MAP2: variants seen among roughly 807,000 people sequenced by gnomAD.
The protein encoded by MAP2 is microtubule-associated protein 2.
A neutral mutation model predicts 137.6 loss-of-function variants in MAP2; 14 were observed. That is an observed-to-expected ratio of 0.10 (90% confidence interval 0.07 to 0.16). The LOEUF is 0.16. MAP2 is among the 10% of genes least tolerant of loss of function. The pLI, the probability that MAP2 is intolerant of heterozygous loss-of-function variation, is 1.00. For synonymous variants in MAP2, 786 were observed against 782.3 expected (o/e 1.00, Z -0.08); for missense variants, 2,088 against 2,191.5 (o/e 0.95, Z 0.94).
chr2:209,605,527 G>T (rs573868836), intron 3 of MAP2, among the ~76,000 whole-genome samples: 15 of 152,204 alleles, frequency 9.9e-5, no homozygotes, highest in African/African-American at 3.6e-4. Flanking sequence ...TAAGACAAAG[G>T]AATGAATTGA....
At chr2:209,618,304 C>A (rs1027511408) in intron 3 of MAP2, among the ~76,000 whole-genome samples, 2 of 152,068 alleles carry the variant, frequency 1.3e-5, no homozygotes, top group African/African-American at 4.8e-5. Flanking sequence ...AAGAACTAGT[C>A]TAAGAAAATG....
chr2:209,715,852 A>AT (rs1437330488), intron 13 of MAP2, among the ~76,000 whole-genome samples: 1 of 152,184 alleles, frequency 6.6e-6, no homozygotes, highest in Non-Finnish European at 1.5e-5. Flanking sequence ...TTACATTATT[A>AT]TTTTTAGTAT....
chr2:209,601,739 G>A (rs2083066437), intron 3 of MAP2, among the ~76,000 whole-genome samples: 3 of 152,104 alleles, frequency 2.0e-5, no homozygotes, highest in African/African-American at 4.8e-5. Context: ...GAATCACATG[G>A]GTTGGCAGTG....
Position 209,734,100 on chromosome 2 carries a change from G to A in MAP2, c.*3703G>A, listed in dbSNP as rs934978987. The A allele has an allele frequency of 6.6e-6, 1 of 152,418 alleles. No homozygotes were observed. The allele number at this position is 152,418 out of a possible 1,614,324, so 9.4% of individuals were successfully genotyped here. Reference sequence around the variant, plus strand: ...AGTGATTGTTTTGCAAAATAAAATTGCTTGTCACCTAACTGCTAGTTTTGG... The same window carrying A: ...AGTGATTGTTTTGCAAAATAAAATTACTTGTCACCTAACTGCTAGTTTTGG... On this transcript the variant is annotated 3_prime_UTR_variant, in exon 16 of 16. Coordinates refer to ENST00000682079, the MANE Select transcript of MAP2 (RefSeq NM_001375505.1).
chr2:209,439,435 C>CT (rs1215862020), intron 1 of MAP2, among the ~76,000 whole-genome samples: 1 of 151,428 alleles, frequency 6.6e-6, no homozygotes, highest in Non-Finnish European at 1.5e-5. Flanking sequence ...GAAAAAAAAT[C>CT]TAAGTTGAAA....
intron 2 of MAP2, among the ~76,000 whole-genome samples, chr2:209,558,956 G>C (rs1354036917): frequency 6.6e-6 from 1 of 152,000 alleles, no homozygotes; most frequent in East Asian, 1.9e-4. Context: ...GTACCTCTCT[G>C]CCTCTGTAAT....
chr2:209,676,938 T>G (rs949539900), intron 5 of MAP2, among the ~76,000 whole-genome samples: 2 of 151,438 alleles, frequency 1.3e-5, no homozygotes, highest in Non-Finnish European at 2.9e-5. Context: ...AAAATAATTC[T>G]TTTTGTAACA....
chr2:209,537,442 A>T (rs1171751842), intron 2 of MAP2, among the ~76,000 whole-genome samples: 2 of 152,196 alleles, frequency 1.3e-5, no homozygotes, highest in African/African-American at 2.4e-5. Context: ...TACTGAGACT[A>T]CATTTAGGTA....
At chr2:209,534,911 T>G (rs1019568267) in intron 2 of MAP2, among the ~76,000 whole-genome samples, 1 of 152,192 alleles carries the variant, frequency 6.6e-6, no homozygotes, top group African/African-American at 2.4e-5. Context: ...TATTGGGATA[T>G]AATTCATATA....
intron 3 of MAP2, among the ~76,000 whole-genome samples, chr2:209,610,856 C>G (rs1261578378): frequency 6.6e-6 from 1 of 152,176 alleles, no homozygotes; most frequent in Non-Finnish European, 1.5e-5. Flanking sequence ...GTGCTTTTGA[C>G]TTGAGAGCCA....
intron 5 of MAP2, among the ~76,000 whole-genome samples, chr2:209,673,621 A>G (rs990512026): frequency 6.6e-6 from 1 of 151,874 alleles, no homozygotes; most frequent in East Asian, 1.9e-4. Context: ...TCAAAATATC[A>G]GATTACAATA....
At chr2:209,498,356 C>G (rs6725710) in intron 1 of MAP2, among the ~76,000 whole-genome samples, 4,730 of 152,330 alleles carry the variant, frequency 0.031, 96 homozygotes, top group South Asian at 0.069. Context: ...CCCCATACCC[C>G]TCAGATGCTC....
chr2:209,502,290 C>T (rs12988428), intron 1 of MAP2, among the ~76,000 whole-genome samples: 4,707 of 152,196 alleles, frequency 0.031, 92 homozygotes, highest in South Asian at 0.087. Flanking sequence ...CATTCTACTC[C>T]GCTTCTATGA....
chr2:209,612,124 A>T (rs1472423069), intron 3 of MAP2, among the ~76,000 whole-genome samples: 4 of 152,212 alleles, frequency 2.6e-5, no homozygotes, highest in African/African-American at 7.2e-5. Context: ...GTTTCATTTC[A>T]TGCAGCGCCT....
At chr2:209,475,405 A>C (rs1706960554) in intron 1 of MAP2, among the ~76,000 whole-genome samples, 1 of 152,110 alleles carries the variant, frequency 6.6e-6, no homozygotes, top group Non-Finnish European at 1.5e-5. Flanking sequence ...TGCTCAGTGC[A>C]ATTGTCCTGA....
intron 1 of MAP2, among the ~76,000 whole-genome samples, chr2:209,475,288 C>T (rs902671923): frequency 3.3e-5 from 5 of 151,990 alleles, no homozygotes; most frequent in African/African-American, 1.2e-4. Context: ...TGTCTTTACT[C>T]ATGGTAAAAA....
chr2:209,451,939 A>T (rs914021142), intron 1 of MAP2, among the ~76,000 whole-genome samples: 1 of 152,168 alleles, frequency 6.6e-6, no homozygotes, highest in Non-Finnish European at 1.5e-5. Flanking sequence ...ACAATATTTT[A>T]AAATCGATGA....
Position 209,693,872 on chromosome 2 carries a change from G to A in MAP2, c.1702G>A (p.Gly568Arg). The change falls in exon 8 of 16, where the codon GGA (glycine) becomes AGA (arginine). Residue 568 changes from glycine (G) to arginine (R), a missense_variant. Around this residue, in one of 6 missense-constraint regions of MAP2, gnomAD observed 859 missense variants for 794.5 expected, o/e 1.08. Transcript: ENST00000682079. ...LDMPFYEDKSGMSKYFETSAL... is the reference protein window; with the variant it reads ...LDMPFYEDKSRMSKYFETSAL... ...TATGCCATTTTATGAAGATAAATCA[G>A]GAATGTCCAAGTACTTTGAAACATC... The A allele has an allele frequency of 6.2e-7, 1 of 1,612,602 alleles. No individual in the cohort carries two copies. The highest frequency in any genetic ancestry group is 1.1e-5 in the South Asian group (1 of 90,672).
chr2:209,593,099 C>T (rs987462547), intron 3 of MAP2, among the ~76,000 whole-genome samples: 1 of 151,772 alleles, frequency 6.6e-6, no homozygotes, highest in African/African-American at 2.4e-5. Flanking sequence ...ATATTAATTT[C>T]CAAGAATTCT....
Sources: gnomAD v4.1 joint callset for allele counts (sites outside exome capture counted in the v4.1 genomes callset) on GRCh38, gnomAD v4.1.1 for gene constraint, gnomAD v4.1.1 regional missense constraint, MANE v1.5 for transcripts, NCBI Gene and HGNC (gene_info 2026-07-23, HGNC 2026-07-21) for gene names.